Variants in ZNF280D observed in about 807,000 individuals in gnomAD.
ZNF280D encodes zinc finger protein 280D, also known as suppressor of hairy wing homolog 4.
A neutral mutation model predicts 94.7 loss-of-function variants in ZNF280D; 39 were observed. The ratio of observed to expected loss-of-function variants is 0.41; its 90% CI spans 0.32 to 0.54. ZNF280D has a LOEUF of 0.54. Among genes scored for constraint, ZNF280D ranks in the 20% least tolerant of loss-of-function variants. ZNF280D has a pLI of 0.22. For synonymous variants in ZNF280D, 398 were observed against 377.6 expected (o/e 1.05, Z -0.63); for missense variants, 1,090 against 1,149.3 (o/e 0.95, Z 0.75).
intron 10 of ZNF280D, among the ~76,000 whole-genome samples, chr15:56,680,906 C>A (rs555209620): frequency 6.6e-6 from 1 of 152,210 alleles, no homozygotes; most frequent in South Asian, 2.1e-4. Flanking sequence ...TGCATTTTAC[C>A]ATATTTACTA....
chr15:56,700,207 A>G, intron 6 of ZNF280D: 1 of 963,210 alleles, frequency 1.0e-6, no homozygotes, highest in Non-Finnish European at 1.2e-6. Flanking sequence ...ATATGTATGT[A>G]TGTGTGCATA....
intron 20 of ZNF280D, among the ~76,000 whole-genome samples, chr15:56,639,571 T>C (rs954733147): frequency 2.0e-5 from 3 of 152,018 alleles, no homozygotes; most frequent in Non-Finnish European, 2.9e-5. Flanking sequence ...GTAACCTAAA[T>C]ACCAAGAAAC....
intron 6 of ZNF280D, 85 bp from the exon 7 acceptor site, chr15:56,693,300 A>G (rs2056531845): frequency 2.8e-6 from 1 of 352,364 alleles, no homozygotes; most frequent in Non-Finnish European, 4.6e-6. Context: ...GTAATTTTAT[A>G]TAATTATATA....
In ZNF280D at chr15:56,632,065, A is replaced by G. The variant is rs1226721111; in HGVS notation, c.2373T>C (p.Phe791=). 8 of 1,606,656 alleles carry G rather than the reference A, an allele frequency of 5.0e-6. No homozygotes were observed. The East Asian group carries it at 1.8e-4, about 36-fold the overall frequency. Residue 791 remains phenylalanine, a synonymous_variant, in exon 22 of 22, where the codon TTT becomes TTC. Transcript: ENST00000267807. ...KEKNGCNANS[F]EGSSTTKSEE... ...CACTTTTTGTTGTTGATGAGCCTTC[A>G]AATGAATTTGCATTACATCCATTTT... is the stretch of plus-strand genomic sequence containing the variant.
intron 13 of ZNF280D, among the ~76,000 whole-genome samples, chr15:56,669,901 T>A (rs1476654455): frequency 6.2e-4 from 3 of 4,858 alleles, no homozygotes; most frequent in Non-Finnish European, 7.0e-4. Flanking sequence ...TATATATATA[T>A]AATATATATA....
Position 56,689,429 on chromosome 15 carries a change from A to C in ZNF280D, c.541T>G (p.Ser181Ala). Reference sequence around the variant, plus strand: ...TTTGGATTAACATTATTTACTTCAGAAGTAGAAGGACGTTTTGATAAAAAT... The same window carrying C: ...TTTGGATTAACATTATTTACTTCAGCAGTAGAAGGACGTTTTGATAAAAAT... ...SSFLSKRPST[S>A]EVNNVNPKKP... Residue 181 changes from serine to alanine, a missense_variant, in exon 8 of 22, where the codon TCT (serine) becomes GCT (alanine). Physicochemically the swap from Ser to Ala is moderately conservative, Grantham distance 99. Transcript: ENST00000267807. 1 of 1,579,232 alleles carries C rather than the reference A, an allele frequency of 6.3e-7. No individual in the cohort carries two copies. Among genetic ancestry groups the C allele is most frequent in the Non-Finnish European group, 8.6e-7 (1 of 1,163,992 alleles).
chr15:56,648,158 G>A (rs2053007438), intron 19 of ZNF280D, among the ~76,000 whole-genome samples: 1 of 152,216 alleles, frequency 6.6e-6, no homozygotes, highest in Admixed American at 6.5e-5. Flanking sequence ...TCATGCCAGG[G>A]AAACTGAAAA....
intron 19 of ZNF280D, among the ~76,000 whole-genome samples, chr15:56,651,990 T>C (rs1468049633): frequency 6.6e-6 from 1 of 151,904 alleles, no homozygotes; most frequent in African/African-American, 2.4e-5. Context: ...GGATAAACTT[T>C]TAAAAACTGG....
At chr15:56,688,040 C>G (rs1277820898) in intron 9 of ZNF280D, among the ~76,000 whole-genome samples, 1 of 152,062 alleles carries the variant, frequency 6.6e-6, no homozygotes, top group Non-Finnish European at 1.5e-5. Context: ...TTTCTGATCT[C>G]TTTTCTCCCT....
intron 7 of ZNF280D, among the ~76,000 whole-genome samples, chr15:56,692,652 T>C (rs1242026014): frequency 6.6e-6 from 1 of 152,108 alleles, no homozygotes; most frequent in African/African-American, 2.4e-5. Context: ...TAATAGCACT[T>C]TATAATCATA....
chr15:56,666,607 G>A (rs2140856056), intron 15 of ZNF280D, 72 bp from the exon 16 acceptor site: 1 of 1,514,088 alleles, frequency 6.6e-7, no homozygotes, highest in Non-Finnish European at 8.8e-7. Context: ...CCTTAATAAT[G>A]TTCTCTTAAC....
Position 56,676,821 on chromosome 15 carries a change from A to G in ZNF280D, c.1264-5T>C, listed in dbSNP as rs1473382946. 1.9e-6 allele frequency: 3 copies of G among 1,576,314 alleles called. No individual in the cohort carries two copies. Among genetic ancestry groups the G allele is most frequent in the African/African-American group, 2.7e-5 (2 of 73,162 alleles). Reference sequence around the variant, plus strand: ...TGATGATCTATAATTACAAACCTAAAAAAAGAAAGAAGGCTTAGTTTAACT... The same window carrying G: ...TGATGATCTATAATTACAAACCTAAGAAAAGAAAGAAGGCTTAGTTTAACT... On this transcript the variant is annotated splice_polypyrimidine_tract_variant and splice_region_variant and intron_variant, in intron 12 of 21. Coordinates refer to ENST00000267807, the MANE Select transcript of ZNF280D (RefSeq NM_017661.4).
intron 16 of ZNF280D, among the ~76,000 whole-genome samples, chr15:56,663,359 T>C (rs1372553697): frequency 1.2e-4 from 18 of 151,298 alleles, no homozygotes; most frequent in Non-Finnish European, 2.9e-5. Flanking sequence ...TTAACCAACT[T>C]ACAGGGATGG....
intron 13 of ZNF280D, among the ~76,000 whole-genome samples, chr15:56,669,607 T>C (rs1457042671): frequency 1.3e-5 from 2 of 150,242 alleles, no homozygotes; most frequent in Non-Finnish European, 3.0e-5. Flanking sequence ...TAAAAAGCCA[T>C]ATGTGGCTAG....
intron 6 of ZNF280D, among the ~76,000 whole-genome samples, chr15:56,697,469 G>A (rs1331666448): frequency 6.6e-6 from 1 of 152,202 alleles, no homozygotes; most frequent in Non-Finnish European, 1.5e-5. Flanking sequence ...ACAGGCGTGA[G>A]CCACCACGCC....
Position 56,693,112 on chromosome 15 carries a change from G to T in ZNF280D, c.485C>A (p.Thr162Lys). The T allele has an allele frequency of 6.2e-7, 1 of 1,601,390 alleles. No individual in the cohort carries two copies. Among genetic ancestry groups the T allele is most frequent in the South Asian group, 1.1e-5 (1 of 88,770 alleles). ...TGLSHYQGGP[T>K]LSMAGMSESS... ...CTAAAACCAACCTGCCATAGAAAGTGTTGGTCCCCCTTGGTAATGTGATAA... is the reference window on the plus strand; with the variant it reads ...CTAAAACCAACCTGCCATAGAAAGTTTTGGTCCCCCTTGGTAATGTGATAA... The change falls in exon 7 of 22, where the codon ACA (threonine) becomes AAA (lysine). Residue 162 changes from threonine (T) to lysine (K), a missense_variant. Around this residue, in one of 3 missense-constraint regions of ZNF280D, gnomAD observed 386 missense variants for 372.0 expected, o/e 1.04. Coordinates refer to ENST00000267807, the MANE Select transcript of ZNF280D (RefSeq NM_017661.4).
At chr15:56,694,134 G>C (rs1018705448) in intron 6 of ZNF280D, among the ~76,000 whole-genome samples, 3 of 151,994 alleles carry the variant, frequency 2.0e-5, no homozygotes, top group Non-Finnish European at 2.9e-5. Flanking sequence ...AAGAAGAGAG[G>C]AGTGAAAAGT....
intron 1 of ZNF280D, among the ~76,000 whole-genome samples, chr15:56,730,960 G>A (rs1239260620): frequency 6.6e-6 from 1 of 152,100 alleles, no homozygotes; most frequent in African/African-American, 2.4e-5. Context: ...TCAAATTTAG[G>A]ATTATTAATA....
intron 19 of ZNF280D, chr15:56,645,092 C>T (rs2052813654): frequency 1.3e-5 from 2 of 152,114 alleles, no homozygotes; most frequent in Non-Finnish European, 2.9e-5. Context: ...ATTAATACTA[C>T]TAACACATCA....
Sources: gnomAD v4.1 joint callset for allele counts (sites outside exome capture counted in the v4.1 genomes callset) on GRCh38, gnomAD v4.1.1 for gene constraint, gnomAD v4.1.1 regional missense constraint, MANE v1.5 for transcripts, NCBI Gene and HGNC (gene_info 2026-07-23, HGNC 2026-07-21) for gene names.